The following RXFP1 variants were observed in gnomAD, a reference collection of about 807,000 sequenced individuals.
RXFP1 encodes relaxin family peptide receptor 1.
Under a neutral mutation model 89.8 loss-of-function variants are expected in RXFP1, and 73 were observed. That is an observed-to-expected ratio of 0.81 (90% CI 0.67 to 0.99). The LOEUF (loss-of-function observed/expected upper bound fraction) is 0.99, where lower values mean the gene tolerates loss of function less well. Among genes scored for constraint, RXFP1 ranks in the 50% least tolerant of loss-of-function variants. RXFP1 has a pLI of 0.00. For missense variants in RXFP1, 793 were observed against 895.5 expected, an observed-to-expected ratio of 0.89 and a Z score of 1.46; for synonymous variants, 277 against 305.5, an observed-to-expected ratio of 0.91 and a Z score of 0.97.
At chr4:158,544,917 T>C (rs1747854076) in intron 1 of RXFP1, among the ~76,000 whole-genome samples, 2 of 152,206 alleles carry the variant, frequency 1.3e-5, no homozygotes, top group South Asian at 4.1e-4. Flanking sequence ...TACATGTGCA[T>C]GTGTCTTCAT....
At chr4:158,613,182 G>C (rs72963775) in intron 8 of RXFP1, among the ~76,000 whole-genome samples, 1 of 152,090 alleles carries the variant, frequency 6.6e-6, no homozygotes, top group Non-Finnish European at 1.5e-5. Flanking sequence ...AGTTTTCAGC[G>C]AGTCATAATC....
intron 1 of RXFP1, among the ~76,000 whole-genome samples, chr4:158,543,314 A>C (rs1305167671): frequency 6.6e-6 from 1 of 152,210 alleles, no homozygotes. Context: ...GTTCATGTTC[A>C]AAGCAGGAAG....
intron 4 of RXFP1, among the ~76,000 whole-genome samples, chr4:158,603,122 G>A (rs942859565): frequency 1.3e-5 from 2 of 151,872 alleles, no homozygotes; most frequent in African/African-American, 4.8e-5. Flanking sequence ...TGTAGAGATG[G>A]CGGTGGGGGG....
intron 1 of RXFP1, among the ~76,000 whole-genome samples, chr4:158,534,071 T>C (rs1468139621): frequency 2.0e-5 from 3 of 152,138 alleles, no homozygotes; most frequent in African/African-American, 7.2e-5. Flanking sequence ...ATGACAATCT[T>C]ACCCCCTAGA....
chr4:158,612,777 A>C (rs2150134027), intron 8 of RXFP1, among the ~76,000 whole-genome samples: 1 of 152,064 alleles, frequency 6.6e-6, no homozygotes, highest in Middle Eastern at 3.4e-3. Flanking sequence ...CGCCCAGCTA[A>C]CTTTTGTATT....
chr4:158,617,742 A>G (rs1269120252), intron 9 of RXFP1, among the ~76,000 whole-genome samples: 2 of 152,134 alleles, frequency 1.3e-5, no homozygotes, highest in Non-Finnish European at 2.9e-5. Flanking sequence ...TTAGAACACA[A>G]GTGAAAAATA....
At chr4:158,592,540 C>T (rs1225670664) in intron 2 of RXFP1, among the ~76,000 whole-genome samples, 4 of 152,076 alleles carry the variant, frequency 2.6e-5, no homozygotes, top group Non-Finnish European at 4.4e-5. Context: ...TGCCATTGCC[C>T]TCCAGCCTGG....
intron 1 of RXFP1, among the ~76,000 whole-genome samples, chr4:158,538,016 C>T (rs915074325): frequency 7.2e-5 from 11 of 152,280 alleles, no homozygotes; most frequent in South Asian, 6.2e-4. Context: ...GAACAGCCAA[C>T]TCAAGACTCT....
chr4:158,599,549 C>T (rs1761286336), intron 4 of RXFP1, 118 bp downstream of exon 4: 1 of 823,980 alleles, frequency 1.2e-6, no homozygotes. Context: ...TGTCATTTTT[C>T]CTGGGTCAGG....
Position 158,572,686 on chromosome 4 carries a change from C to T in RXFP1, c.50-12C>T. 1 of 1,613,930 alleles carries T rather than the reference C, an allele frequency of 6.2e-7. No individual in the cohort carries two copies. Among genetic ancestry groups the T allele is most frequent in the Non-Finnish European group, 8.5e-7 (1 of 1,179,818 alleles). Reference sequence around the variant, plus strand: ...CACCTTCAAACTTTGTGTCTTCTCCCCTTTTCCTCAGTTTCTCATGGGGGT... The same window carrying T: ...CACCTTCAAACTTTGTGTCTTCTCCTCTTTTCCTCAGTTTCTCATGGGGGT... On this transcript the variant is annotated splice_polypyrimidine_tract_variant and intron_variant, in intron 1 of 17. Transcript: ENST00000307765.
intron 8 of RXFP1, among the ~76,000 whole-genome samples, chr4:158,612,682 C>T (rs1763793048): frequency 6.6e-6 from 1 of 150,952 alleles, no homozygotes; most frequent in African/African-American, 2.4e-5. Flanking sequence ...GTGACCTTGG[C>T]TCACCACAAC....
chr4:158,616,125 C>G (rs929655126), intron 8 of RXFP1, among the ~76,000 whole-genome samples: 1 of 152,064 alleles, frequency 6.6e-6, no homozygotes, highest in African/African-American at 2.4e-5. Flanking sequence ...AAGCAAAACA[C>G]AATAAAACAA....
At chr4:158,627,634 C>A (rs116176384) in intron 10 of RXFP1, among the ~76,000 whole-genome samples, 3,778 of 151,866 alleles carry the variant, frequency 0.025, 61 homozygotes, top group South Asian at 0.074. Context: ...CTACACAGGA[C>A]CCCTGTATAT....
chr4:158,551,244 T>C (rs1266889972), intron 1 of RXFP1, among the ~76,000 whole-genome samples: 3 of 152,164 alleles, frequency 2.0e-5, no homozygotes, highest in Non-Finnish European at 4.4e-5. Flanking sequence ...ATCCTTTTTA[T>C]ATGTAGGATG....
At chr4:158,637,931 C>A in intron 12 of RXFP1, 77 bp from the exon 13 acceptor site, 1 of 863,498 alleles carries the variant, frequency 1.2e-6, no homozygotes, top group Non-Finnish European at 1.9e-6. Context: ...GTTAAAGTAA[C>A]CCAAAATAAA....
chr4:158,542,109 A>ATATATTT lies in RXFP1; in HGVS notation c.49+20085_49+20086insATATTTT. The stretch of plus-strand genomic sequence containing the variant: ...TATATATATATATATATATATATAT[A>ATATATTT]TTTTTTTTTTAGTAGAGACAGGGTT... On this transcript the variant is annotated intron_variant, in intron 1 of 17. Transcript: ENST00000307765. Among the ~76,000 whole-genome samples, 32 of 35,238 alleles carry ATATATTT rather than the reference A, an allele frequency of 9.1e-4. 2 individuals are homozygous for ATATATTT. The highest frequency in any genetic ancestry group is 2.8e-3 in the African/African-American group (30 of 10,780). The allele number at this position is 35,238 out of a possible 152,430, so 23.1% of individuals were successfully genotyped here.
chr4:158,607,156 C>T, intron 5 of RXFP1: 2 of 1,498,268 alleles, frequency 1.3e-6, no homozygotes, highest in African/African-American at 1.4e-5. Flanking sequence ...AAGTGCAAAA[C>T]TTTGTGTGGG....
At chr4:158,570,209 C>A (rs1158692851) in intron 1 of RXFP1, among the ~76,000 whole-genome samples, 1 of 152,088 alleles carries the variant, frequency 6.6e-6, no homozygotes, top group Non-Finnish European at 1.5e-5. Flanking sequence ...TCCAACAAGG[C>A]TGGAGCCCAA....
At chr4:158,579,094 CAG>C (rs1756827419) in intron 2 of RXFP1, among the ~76,000 whole-genome samples, 1 of 150,434 alleles carries the variant, frequency 6.6e-6, no homozygotes. Flanking sequence ...TGTGTGAAGA[CAG>C]AGGCAGAGAC....
Sources: allele counts gnomAD v4.1 joint callset (sites outside exome capture counted in the v4.1 genomes callset), GRCh38; gene constraint gnomAD v4.1.1; transcripts MANE v1.5; gene names NCBI Gene and HGNC (gene_info 2026-07-23, HGNC 2026-07-21).